Variants in TIMELESS observed in about 807,000 individuals in gnomAD.
TIMELESS encodes timeless circadian regulator, also known as protein timeless homolog.
Under a neutral mutation model 164.3 loss-of-function variants are expected in TIMELESS, and 124 were observed. The observed-to-expected ratio is 0.75, with a 90% CI of 0.65 to 0.88. The LOEUF (loss-of-function observed/expected upper bound fraction) is 0.88. TIMELESS is among the 40% of genes least tolerant of loss of function. TIMELESS has a pLI of 0.00. For missense variants in TIMELESS, 1,422 were observed against 1,491.4 expected (o/e 0.95, Z 0.77); for synonymous variants, 564 against 563.4 (o/e 1.00, Z -0.02).
intron 25 of TIMELESS, 40 bp downstream of exon 25, chr12:56,420,773 T>C (rs1443665745): frequency 6.2e-7 from 1 of 1,613,754 alleles, no homozygotes; most frequent in South Asian, 1.1e-5. Context: ...TCCAATAGCC[T>C]CCAGGGCTCT....
At chr12:56,444,186 G>A (rs1205140086) in intron 1 of TIMELESS, among the ~76,000 whole-genome samples, 4 of 151,462 alleles carry the variant, frequency 2.6e-5, no homozygotes, top group Admixed American at 6.6e-5. Flanking sequence ...ATGAGCCACC[G>A]TGCCCAGCCT....
intron 1 of TIMELESS, among the ~76,000 whole-genome samples, chr12:56,448,686 G>GGA (rs1387482770): frequency 6.7e-6 from 1 of 149,374 alleles, no homozygotes; most frequent in East Asian, 2.0e-4. Flanking sequence ...CCGAGATGGC[G>GGA]CCACTGCACT....
intron 1 of TIMELESS, among the ~76,000 whole-genome samples, chr12:56,437,020 T>C (rs938875681): frequency 6.6e-6 from 1 of 151,486 alleles, no homozygotes; most frequent in Non-Finnish European, 1.5e-5. Context: ...AACCTGTGCC[T>C]CCCAGGTTTA....
chr12:56,423,634 T>C lies in TIMELESS; in HGVS notation c.2040A>G (p.Gln680=), dbSNP rs751238199. 26 of 1,613,978 alleles carry C rather than the reference T, an allele frequency of 1.6e-5. No individual in the cohort carries two copies. The highest frequency in any genetic ancestry group is 1.2e-4 in the South Asian group (11 of 91,088). ...ATTCTTTCTCCGACACCTGGACCACTTGCAACTCCTCCTCTTCCTCCTCCT... is the reference window on the plus strand; with the variant it reads ...ATTCTTTCTCCGACACCTGGACCACCTGCAACTCCTCCTCTTCCTCCTCCT... ...EEEEEEEEEL[Q]VVQVSEKEFN... The change falls in exon 17 of 29, where the codon CAA becomes CAG. Residue 680 remains glutamine, a synonymous_variant. Coordinates refer to ENST00000553532, the MANE Select transcript of TIMELESS (RefSeq NM_003920.5).
chr12:56,439,227 T>G (rs1882175276), intron 1 of TIMELESS, among the ~76,000 whole-genome samples: 1 of 145,288 alleles, frequency 6.9e-6, no homozygotes, highest in South Asian at 2.2e-4. Flanking sequence ...ATATATTGTA[T>G]GATGGAATTT....
At chr12:56,444,440 A>G (rs890874886) in intron 1 of TIMELESS, among the ~76,000 whole-genome samples, 1 of 151,990 alleles carries the variant, frequency 6.6e-6, no homozygotes, top group Non-Finnish European at 1.5e-5. Flanking sequence ...TAATCTAAGT[A>G]CTCTGTGATC....
chr12:56,424,638 A>G, intron 15 of TIMELESS, 124 bp downstream of exon 15: 1 of 1,140,614 alleles, frequency 8.8e-7, no homozygotes, highest in Non-Finnish European at 1.2e-6. Flanking sequence ...CCCAGGAGTC[A>G]GTTGGTATAC....
At chr12:56,447,182 GT>G (rs144004569) in intron 1 of TIMELESS, among the ~76,000 whole-genome samples, 5,764 of 88,916 alleles carry the variant, frequency 0.065, 197 homozygotes, top group Middle Eastern at 0.11. Flanking sequence ...GCTAATTTTT[GT>G]TTTTTTTTTT....
At position 56,428,930 on chromosome 12, in the gene TIMELESS, A is replaced by G; in HGVS notation, c.1257T>C (p.Tyr419=). 1.9e-6 allele frequency: 3 copies of G among 1,613,400 alleles called. No homozygotes were observed. The highest frequency in any genetic ancestry group is 1.7e-5 in the Admixed American group (1 of 59,968). The change falls in exon 11 of 29, where the codon TAT becomes TAC. Residue 419 remains tyrosine (Y), a synonymous_variant. Coordinates refer to ENST00000553532, the MANE Select transcript of TIMELESS (RefSeq NM_003920.5). ...CCTTGCGGTCAGTCAGCATCATCTCATAGTAGTTGGTGAGGTTCTGCTCAA... is the reference window on the plus strand; with the variant it reads ...CCTTGCGGTCAGTCAGCATCATCTCGTAGTAGTTGGTGAGGTTCTGCTCAA... ...HFIEQNLTNY[Y]EMMLTDRKEA... is the part of the protein sequence containing the mutation.
intron 26 of TIMELESS, among the ~76,000 whole-genome samples, chr12:56,420,029 A>AAAAAAAAAAATATATATAT (rs1555176447): frequency 1.3e-5 from 1 of 75,188 alleles, no homozygotes; most frequent in African/African-American, 6.7e-5. Flanking sequence ...AAAAAAAAAA[A>AAAAAAAAAAATATATATAT]ATATATATAT....
intron 1 of TIMELESS, among the ~76,000 whole-genome samples, chr12:56,434,983 A>G (rs1882023200): frequency 6.6e-6 from 1 of 152,170 alleles, no homozygotes; most frequent in Non-Finnish European, 1.5e-5. Context: ...TTGAGGTTGC[A>G]GTGAGCTGTG....
intron 1 of TIMELESS, among the ~76,000 whole-genome samples, chr12:56,440,945 G>A (rs1453239182): frequency 6.6e-6 from 1 of 152,002 alleles, no homozygotes; most frequent in Non-Finnish European, 1.5e-5. Context: ...AGCCTCCCAA[G>A]TAGCTGGGAT....
Position 56,416,781 on chromosome 12 carries a change from T to C in TIMELESS, c.*935A>G, listed in dbSNP as rs1421063127. ...TGCTCTGTCGCCCAGGCATATGCAC[T>C]GGCGTGACCTTAGCTCACTGCAACC... On this transcript the variant is annotated 3_prime_UTR_variant, in exon 29 of 29. Coordinates refer to ENST00000553532, the MANE Select transcript of TIMELESS (RefSeq NM_003920.5). 6.6e-5 allele frequency: 10 copies of C among 151,868 alleles called. No individual in the cohort carries two copies. The allele number at this position is 151,868 out of a possible 1,614,324, so 9.4% of individuals were successfully genotyped here. A position where few individuals can be genotyped will look rare whatever the true frequency, so the allele number is the denominator to read the frequency against.
chr12:56,430,423 T>C (rs774032), intron 9 of TIMELESS, 142 bp from the exon 10 acceptor site: 435,223 of 970,010 alleles, frequency 0.45, 102,142 homozygotes, highest in East Asian at 0.67. Context: ...TGGAGTGTAA[T>C]GATGCAATCA....
At position 56,424,772 on chromosome 12, in the gene TIMELESS, T is replaced by G. The variant is rs1187985185; in HGVS notation, c.1858A>C (p.Arg620=). 7 of 1,613,896 alleles carry G rather than the reference T, an allele frequency of 4.3e-6. No homozygotes were observed. Among genetic ancestry groups the G allele is most frequent in the East Asian group, 2.2e-5 (1 of 44,886 alleles). Reference sequence around the variant, plus strand: ...AGGCAGGGTTCTTACCGAGCAGACCTCAGGAGAGTCAGGGCCTGTGGGGCC... The same window carrying G: ...AGGCAGGGTTCTTACCGAGCAGACCGCAGGAGAGTCAGGGCCTGTGGGGCC... The part of the protein sequence containing the change: ...GQAPQALTLL[R]SAREVWPEGD... The change falls in exon 15 of 29, where the codon AGG becomes CGG. Residue 620 remains arginine (R), a synonymous_variant. Transcript: ENST00000553532.
chr12:56,417,704 C>A lies in TIMELESS; in HGVS notation c.*12G>T. On this transcript the variant is annotated 3_prime_UTR_variant, in exon 29 of 29. Coordinates refer to ENST00000553532, the MANE Select transcript of TIMELESS (RefSeq NM_003920.5). ...AAACGTGTCTATCTCTACCCCTAGGCTTCTTAGCTCTTCAGTCATCCTCAT... is the reference window on the plus strand; with the variant it reads ...AAACGTGTCTATCTCTACCCCTAGGATTCTTAGCTCTTCAGTCATCCTCAT... 6.2e-7 allele frequency: 1 copy of A among 1,614,052 alleles called. No individual in the cohort carries two copies. The highest frequency in any genetic ancestry group is 8.5e-7 in the Non-Finnish European group (1 of 1,179,940).
chr12:56,437,493 G>C (rs1014042551), intron 1 of TIMELESS, among the ~76,000 whole-genome samples: 1 of 151,556 alleles, frequency 6.6e-6, no homozygotes, highest in Non-Finnish European at 1.5e-5. Flanking sequence ...GTACAATCAC[G>C]GCTCACTGTA....
chr12:56,432,825 T>C (rs749474170), intron 6 of TIMELESS, among the ~76,000 whole-genome samples: 11 of 151,378 alleles, frequency 7.3e-5, no homozygotes, highest in Non-Finnish European at 1.6e-4. Flanking sequence ...GGCGGGCACC[T>C]GTAGTCCCAG....
At chr12:56,436,748 C>T (rs1463422931) in intron 1 of TIMELESS, among the ~76,000 whole-genome samples, 4 of 152,056 alleles carry the variant, frequency 2.6e-5, no homozygotes, top group Admixed American at 6.6e-5. Context: ...TCACTTCAGA[C>T]GGATGGAAAT....
Sources: allele counts gnomAD v4.1 joint callset (sites outside exome capture counted in the v4.1 genomes callset), GRCh38; gene constraint gnomAD v4.1.1; transcripts MANE v1.5; gene names NCBI Gene and HGNC (gene_info 2026-07-23, HGNC 2026-07-21).